Variants in RIT2 observed in about 807,000 individuals in gnomAD.
The protein encoded by RIT2 is GTP-binding protein Rit2.
RIT2 carries 24 observed loss-of-function variants against 23.7 expected under a neutral mutation model. That is an observed-to-expected ratio of 1.01 (90% CI 0.73 to 1.43). The LOEUF is 1.43. Among genes scored for constraint, RIT2 ranks in the 40% most tolerant of loss-of-function variants. The pLI is 0.00. For synonymous variants in RIT2, 107 were observed against 91.1 expected (o/e 1.17, Z -0.99); for missense variants, 236 against 266.9 (o/e 0.88, Z 0.81).
At chr18:42,936,501 C>G (rs1371078017) in intron 3 of RIT2, among the ~76,000 whole-genome samples, 1 of 152,154 alleles carries the variant, frequency 6.6e-6, no homozygotes, top group Non-Finnish European at 1.5e-5. Flanking sequence ...AGGAACCATT[C>G]TGAGTAATGT....
At chr18:42,994,092 C>T (rs1172952922) in intron 2 of RIT2, among the ~76,000 whole-genome samples, 3 of 152,098 alleles carry the variant, frequency 2.0e-5, no homozygotes, top group Non-Finnish European at 4.4e-5. Context: ...TCCTCAATAC[C>T]TCCCTCTACA....
At chr18:42,830,897 C>T (rs944501512) in intron 4 of RIT2, among the ~76,000 whole-genome samples, 1 of 152,104 alleles carries the variant, frequency 6.6e-6, no homozygotes, top group African/African-American at 2.4e-5. Flanking sequence ...CATGGGGTCA[C>T]CAATTTTACT....
chr18:42,849,695 T>C (rs900316339), intron 4 of RIT2, among the ~76,000 whole-genome samples: 17 of 152,218 alleles, frequency 1.1e-4, no homozygotes, highest in Admixed American at 1.1e-3. Context: ...TTCTAAATCA[T>C]GTAGTGAATC....
At chr18:42,743,838 C>T (rs1366884661) in intron 4 of RIT2, 118 bp from the exon 5 acceptor site, 1 of 708,816 alleles carries the variant, frequency 1.4e-6, no homozygotes, top group East Asian at 2.7e-5. Context: ...CCATCGTATC[C>T]CCTGTGACTT....
At chr18:43,099,709 T>C (rs1391429194) in intron 1 of RIT2, among the ~76,000 whole-genome samples, 1 of 152,144 alleles carries the variant, frequency 6.6e-6, no homozygotes, top group Non-Finnish European at 1.5e-5. Context: ...ATGCTCTCTT[T>C]TGCTGCATAA....
chr18:43,030,548 A>T (rs1911830007), intron 2 of RIT2, among the ~76,000 whole-genome samples: 1 of 152,138 alleles, frequency 6.6e-6, no homozygotes, highest in Non-Finnish European at 1.5e-5. Context: ...GGAACCATCA[A>T]ACAGAGATTA....
At chr18:42,826,469 C>T (rs1054861659) in intron 4 of RIT2, among the ~76,000 whole-genome samples, 1 of 151,990 alleles carries the variant, frequency 6.6e-6, no homozygotes, top group Non-Finnish European at 1.5e-5. Context: ...TTTATATCTT[C>T]CCACACCAAT....
At chr18:42,804,471 C>T (rs1356394528) in intron 4 of RIT2, among the ~76,000 whole-genome samples, 1 of 148,684 alleles carries the variant, frequency 6.7e-6, no homozygotes, top group Non-Finnish European at 1.5e-5. Context: ...AGGAAAATCG[C>T]TTGAACCCAG....
intron 4 of RIT2, among the ~76,000 whole-genome samples, chr18:42,801,713 C>G (rs1729693920): frequency 6.6e-6 from 1 of 152,188 alleles, no homozygotes; most frequent in African/African-American, 2.4e-5. Flanking sequence ...CCCTTGGTTA[C>G]TAGTACCAAT....
chr18:43,112,334 T>C (rs1161789590), intron 1 of RIT2, among the ~76,000 whole-genome samples: 1 of 152,180 alleles, frequency 6.6e-6, no homozygotes, highest in African/African-American at 2.4e-5. Context: ...ACTCTGACTG[T>C]GGTTAGGACT....
At chr18:43,110,739 GT>G (rs2144252732) in intron 1 of RIT2, among the ~76,000 whole-genome samples, 2 of 152,000 alleles carry the variant, frequency 1.3e-5, no homozygotes, top group Non-Finnish European at 2.9e-5. Flanking sequence ...TGTAATATAA[GT>G]TTCTATTCTA....
intron 4 of RIT2, among the ~76,000 whole-genome samples, chr18:42,882,449 C>T (rs1186581009): frequency 6.6e-6 from 1 of 152,188 alleles, no homozygotes; most frequent in Non-Finnish European, 1.5e-5. Flanking sequence ...TGTCCATATG[C>T]TTTAAAGACT....
intron 1 of RIT2, among the ~76,000 whole-genome samples, chr18:43,077,199 C>G (rs182737595): frequency 4.6e-5 from 7 of 151,252 alleles, no homozygotes; most frequent in Non-Finnish European, 8.8e-5. Context: ...TCAGAGCAAT[C>G]ATAGGTATAT....
chr18:43,031,788 C>T (rs1242398428), intron 2 of RIT2, among the ~76,000 whole-genome samples: 2 of 151,988 alleles, frequency 1.3e-5, no homozygotes, highest in African/African-American at 4.8e-5. Flanking sequence ...ACAAACAGAT[C>T]TAGAGAAGGA....
intron 4 of RIT2, among the ~76,000 whole-genome samples, chr18:42,894,904 C>T (rs976993840): frequency 6.6e-6 from 1 of 152,124 alleles, no homozygotes; most frequent in Non-Finnish European, 1.5e-5. Flanking sequence ...GGATTAAATG[C>T]CTTTGGGCTT....
intron 4 of RIT2, among the ~76,000 whole-genome samples, chr18:42,765,943 A>G (rs187928033): frequency 6.6e-6 from 1 of 151,630 alleles, no homozygotes; most frequent in Non-Finnish European, 1.5e-5. Context: ...CTTCTTCCTC[A>G]TTTTCTCTTG....
Position 43,074,096 on chromosome 18 carries a change from A to G in RIT2, c.104-40229T>C, listed in dbSNP as rs559674236. 5.3e-5 allele frequency among the ~76,000 whole-genome samples: 8 copies of G among 152,292 alleles called. No individual in the cohort carries two copies. In the South Asian group the frequency reaches 1.5e-3, roughly 28 times the overall value. ...CAGAAACAGCCTTTTTATTTTTTAG[A>G]TACACAATTACAGATAGTAACTTTA... On this transcript the variant is annotated intron_variant, in intron 1 of 4. Transcript: ENST00000326695.
chr18:43,011,119 G>A (rs9958208), intron 2 of RIT2, among the ~76,000 whole-genome samples: 14,379 of 151,872 alleles, frequency 0.095, 784 homozygotes, highest in Non-Finnish European at 0.11. Context: ...AAATGACAAA[G>A]AGGAGTCAGC....
chr18:43,106,175 T>C (rs1411355876), intron 1 of RIT2, among the ~76,000 whole-genome samples: 2 of 152,216 alleles, frequency 1.3e-5, no homozygotes, highest in Non-Finnish European at 2.9e-5. Context: ...TATGCAAAAC[T>C]CAGAAGTGTT....
Sources: allele counts gnomAD v4.1 joint callset (sites outside exome capture counted in the v4.1 genomes callset), GRCh38; gene constraint gnomAD v4.1.1; transcripts MANE v1.5; gene names NCBI Gene and HGNC (gene_info 2026-07-23, HGNC 2026-07-21).